GPRIN1: variants seen among roughly 807,000 people sequenced by gnomAD.
GPRIN1 encodes the protein G protein regulated inducer of neurite outgrowth 1.
In GPRIN1, 4 loss-of-function variants were observed where a neutral mutation model predicts 2.8. The observed-to-expected ratio is 1.45, with a 90% CI of 0.71 to 3.32. The LOEUF is 3.32. Ranked by LOEUF, GPRIN1 falls within the 30% of genes most tolerant of loss-of-function variation. GPRIN1 has a pLI of 0.01. For missense variants in GPRIN1, 1,322 were observed against 1,343.4 expected (o/e 0.98, Z 0.25); for synonymous variants, 589 against 589.9 (o/e 1.00, Z 0.02).
At position 176,596,854 on chromosome 5, in the gene GPRIN1, A is replaced by G. The variant is rs770454923; in HGVS notation, c.2981T>C (p.Val994Ala). The G allele has an allele frequency of 9.5e-5, 134 of 1,405,370 alleles. No individual in the cohort carries two copies. The highest frequency in any genetic ancestry group is 1.5e-4 in the Admixed American group (6 of 39,950). 87.1% of individuals were successfully genotyped at this position (1,405,370 alleles called of 1,614,324 possible). The change falls in exon 2 of 2, where the codon GTG becomes GCG. Residue 994 changes from valine to alanine, a missense_variant. Physicochemically the swap from Val to Ala is moderately conservative, Grantham distance 64. Transcript: ENST00000303991. The surrounding 1 kb of genome is among the most constrained non-coding windows in gnomAD (Gnocchi z 5.2). ...CCGCGAGCAGCACCGCGGCCGGCGC[A>G]CACTCTGCAGCAGCGCGCGGAACAG... is the stretch of plus-strand genomic sequence containing the variant. ...PGLFRALLQS[V>A]RRPRCCSRAG...
At chr5:176,605,025 G>A (rs1156568523) in intron 1 of GPRIN1, among the ~76,000 whole-genome samples, 2 of 151,614 alleles carry the variant, frequency 1.3e-5, no homozygotes, top group Non-Finnish European at 2.9e-5. Context: ...GAGCTACCGC[G>A]CCCAGCATGG....
rs1260366588 is a variant in GPRIN1, at chr5:176,599,399, T to C, written c.436A>G (p.Asn146Asp). 26 of 1,614,216 alleles carry C rather than the reference T, an allele frequency of 1.6e-5. No individual in the cohort carries two copies. The highest frequency in any genetic ancestry group is 2.2e-5 in the Non-Finnish European group (26 of 1,180,020). ...TCCATCTTCTCTAAGAACATGGGAT[T>C]TCTGTCATCTGAGGATTTGGGCTCA... ...KTEPKSSDDR[N>D]PMFLEKMDFK... The change falls in exon 2 of 2, where the codon AAT (asparagine) becomes GAT (aspartate). Residue 146 changes from asparagine to aspartate, a missense_variant. Asn to Asp is a conservative substitution (Grantham distance 23). Coordinates refer to ENST00000303991, the MANE Select transcript of GPRIN1 (RefSeq NM_052899.3).
chr5:176,606,936 C>G (rs534256935), intron 1 of GPRIN1, among the ~76,000 whole-genome samples: 2 of 152,310 alleles, frequency 1.3e-5, no homozygotes, highest in African/African-American at 4.8e-5. Context: ...CCGTCCCCAA[C>G]TTGTATTTTC....
Position 176,596,852 on chromosome 5 carries a change from G to A in GPRIN1, c.2983C>T (p.Arg995Cys), listed in dbSNP as rs1417321424. ...GCCCGCGAGCAGCACCGCGGCCGGC[G>A]CACACTCTGCAGCAGCGCGCGGAAC... ...GLFRALLQSVRRPRCCSRAGP... is the reference protein window; with the variant it reads ...GLFRALLQSVCRPRCCSRAGP... The change falls in exon 2 of 2, where the codon CGC becomes TGC. Residue 995 changes from arginine to cysteine, a missense_variant. Arg to Cys is a radical substitution (Grantham distance 180). Coordinates refer to ENST00000303991, the MANE Select transcript of GPRIN1 (RefSeq NM_052899.3). This position sits in a 1 kb window ranked among gnomAD's most constrained non-coding sequence, Gnocchi z 5.2. 54 of 1,403,974 alleles carry A rather than the reference G, an allele frequency of 3.8e-5. No homozygotes were observed. The highest frequency in any genetic ancestry group is 5.0e-5 in the Non-Finnish European group (54 of 1,075,198). The allele number at this position is 1,403,974 out of a possible 1,614,324, so 87.0% of individuals were successfully genotyped here. A position where few individuals can be genotyped will look rare whatever the true frequency, so the allele number is the denominator to read the frequency against.
intron 1 of GPRIN1, among the ~76,000 whole-genome samples, chr5:176,606,249 CTG>C (rs927168169): frequency 4.6e-5 from 7 of 152,154 alleles, no homozygotes; most frequent in Non-Finnish European, 8.8e-5. Context: ...TAGGGCTGGG[CTG>C]TGTCTGTGGA....
chr5:176,598,874 G>A lies in GPRIN1; in HGVS notation c.961C>T (p.Leu321=). 2 of 1,614,022 alleles carry A rather than the reference G, an allele frequency of 1.2e-6. No homozygotes were observed. The highest frequency in any genetic ancestry group is 1.7e-6 in the Non-Finnish European group (2 of 1,180,010). ...TTCTTGCCTGATGAGCCTGGAATCA[G>A]CTTGCCCAGGAGCCCCGGCTCTGTC... ...GKTEPGLLGK[L]IPGSSGKNGP... The change falls in exon 2 of 2, where the codon CTG becomes TTG. Residue 321 remains leucine, a synonymous_variant. Coordinates refer to ENST00000303991, the MANE Select transcript of GPRIN1 (RefSeq NM_052899.3).
intron 1 of GPRIN1, among the ~76,000 whole-genome samples, chr5:176,601,251 C>G (rs1165799456): frequency 6.6e-6 from 1 of 152,172 alleles, no homozygotes; most frequent in Non-Finnish European, 1.5e-5. Flanking sequence ...GGAGGCTGGG[C>G]TGAAGGAGCA....
intron 1 of GPRIN1, among the ~76,000 whole-genome samples, chr5:176,603,919 G>A (rs1283969549): frequency 6.6e-6 from 1 of 152,218 alleles, no homozygotes; most frequent in Non-Finnish European, 1.5e-5. Flanking sequence ...GGAGACAAGA[G>A]GGAGTGGTGG....
Position 176,597,285 on chromosome 5 carries a change from G to C in GPRIN1, c.2550C>G (p.Ser850Arg). ...GGCCCGCATCTCGGCGCGAGGGCGG[G>C]CTGGGCGCGCGCGGCGCCGCCTGGA... The part of the protein sequence containing the change: ...FSFQAAPRAP[S>R]PPSRRDAGLQ... The change falls in exon 2 of 2, where the codon AGC becomes AGG. Residue 850 changes from serine to arginine, a missense_variant. Around this residue, in one of 3 missense-constraint regions of GPRIN1, gnomAD observed 1,117 missense variants for 1,128.6 expected, o/e 0.99. Transcript: ENST00000303991. The surrounding 1 kb of genome is among the most constrained non-coding windows in gnomAD (Gnocchi z 6.1). The C allele has an allele frequency of 8.1e-7, 1 of 1,235,636 alleles. No homozygotes were observed. The highest frequency in any genetic ancestry group is 3.6e-5 in the South Asian group (1 of 27,936). 76.5% of individuals were successfully genotyped at this position (1,235,636 alleles called of 1,614,324 possible). A position where few individuals can be genotyped will look rare whatever the true frequency, so the allele number is the denominator to read the frequency against.
Position 176,602,734 on chromosome 5 carries a change from T to C in GPRIN1, c.-43-2857A>G, listed in dbSNP as rs1159969973. ...GTCCTGGGGTACACAAGGGCATGGC[T>C]AGTGATGAGAACAAGACGGGGAGGC... On this transcript the variant is annotated intron_variant, in intron 1 of 1. Transcript: ENST00000303991. This position sits in a 1 kb window ranked among gnomAD's most constrained non-coding sequence, Gnocchi z 4.4. 6.6e-6 allele frequency among the ~76,000 whole-genome samples: 1 copy of C among 152,074 alleles called. No homozygotes were observed. Among genetic ancestry groups the C allele is most frequent in the African/African-American group, 2.4e-5 (1 of 41,376 alleles).
rs543453041 is a variant in GPRIN1 at position 176,596,418 on chromosome 5, T to A, written c.*390A>T. Reference sequence around the variant, plus strand: ...CAGACTTGTATGCAGTCTCTCCCTGTTCTGGGGATCTGGCCCCACCGGAGA... The same window carrying A: ...CAGACTTGTATGCAGTCTCTCCCTGATCTGGGGATCTGGCCCCACCGGAGA... On this transcript the variant is annotated 3_prime_UTR_variant, in exon 2 of 2. Transcript: ENST00000303991. The surrounding 1 kb of genome is among the most constrained non-coding windows in gnomAD (Gnocchi z 5.2). 358 of 155,432 alleles carry A rather than the reference T, an allele frequency of 2.3e-3. 1 individual carries two copies. Among genetic ancestry groups the A allele is most frequent in the African/African-American group, 8.2e-3 (343 of 41,624 alleles). 9.6% of individuals were successfully genotyped at this position (155,432 alleles called of 1,614,324 possible). A position where few individuals can be genotyped will look rare whatever the true frequency, so the allele number is the denominator to read the frequency against.
At position 176,609,980 on chromosome 5, in the gene GPRIN1, G is replaced by C. The variant is rs1240517828; in HGVS notation, c.-44+19C>G. ...CGCCGCCCGCCCGGAAAGACAGCGG[G>C]TGTGGGCGCGGCGCTTACCAGGCAG... On this transcript the variant is annotated intron_variant, in intron 1 of 1. Transcript: ENST00000303991. 2.6e-5 allele frequency: 4 copies of C among 151,872 alleles called. No individual in the cohort carries two copies. The highest frequency in any genetic ancestry group is 9.7e-5 in the African/African-American group (4 of 41,302). The allele number at this position is 151,872 out of a possible 1,614,324, so 9.4% of individuals were successfully genotyped here.
rs759251296 is a variant in GPRIN1 at position 176,598,416 on chromosome 5, C to G, written c.1419G>C (p.Lys473Asn). 3.1e-6 allele frequency: 5 copies of G among 1,613,984 alleles called. No homozygotes were observed. In the Admixed American group the frequency reaches 6.7e-5, roughly 22 times the overall value. The change falls in exon 2 of 2, where the codon AAG becomes AAC. Residue 473 changes from lysine (K) to asparagine (N), a missense_variant. Lys to Asn is a moderately conservative substitution (Grantham distance 94). Around this residue, in one of 3 missense-constraint regions of GPRIN1, gnomAD observed 1,117 missense variants for 1,128.6 expected, o/e 0.99. Coordinates refer to ENST00000303991, the MANE Select transcript of GPRIN1 (RefSeq NM_052899.3). ...REDPISAGSR[K>N]TSSEKVNPES... ...CAGGATTCACTTTTTCAGATGATGT[C>G]TTTCTACTTCCAGCAGATATGGGGT... is the stretch of plus-strand genomic sequence containing the variant.
intron 1 of GPRIN1, among the ~76,000 whole-genome samples, chr5:176,604,386 A>G (rs911845091): frequency 5.3e-5 from 8 of 152,250 alleles, no homozygotes; most frequent in African/African-American, 1.9e-4. Context: ...AAACCCTGGA[A>G]GTATTTTCTT....
rs1171687215 is a variant in GPRIN1, at chr5:176,597,718, G to A, written c.2117C>T (p.Ser706Phe). ...SAPSRKTESP[S>F]LGKVVPLSLE... The stretch of plus-strand genomic sequence containing the variant: ...ACTCAGGGGGACCACCTTCCCCAAG[G>A]ATGGGGACTCCGTTTTTCTGGAAGG... Residue 706 changes from serine (S) to phenylalanine (F), a missense_variant, in exon 2 of 2, where the codon TCC becomes TTC. By Grantham distance (155) the Ser-to-Phe change is radical (BLOSUM62 -2). This residue lies in a region of GPRIN1 where 1,117 missense variants were observed against 1,128.6 expected (regional missense o/e 0.99). Transcript: ENST00000303991. The surrounding 1 kb of genome is among the most constrained non-coding windows in gnomAD (Gnocchi z 6.1). 5.0e-6 allele frequency: 8 copies of A among 1,597,760 alleles called. No individual in the cohort carries two copies. Among genetic ancestry groups the A allele is most frequent in the South Asian group, 1.1e-5 (1 of 89,572 alleles).
chr5:176,597,135 A>G lies in GPRIN1; in HGVS notation c.2700T>C (p.Ala900=), dbSNP rs754529127. Residue 900 remains alanine, a synonymous_variant, in exon 2 of 2, where the codon GCT becomes GCC. Coordinates refer to ENST00000303991, the MANE Select transcript of GPRIN1 (RefSeq NM_052899.3). This position sits in a 1 kb window ranked among gnomAD's most constrained non-coding sequence, Gnocchi z 6.1. ...RVRPGSALAA[A]VAPPEPAEPV... is the part of the protein sequence containing the mutation. The stretch of plus-strand genomic sequence containing the variant: ...GCTCAGCCGGCTCCGGGGGCGCTAC[A>G]GCGGCCGCCAGCGCTGAGCCGGGCC... The G allele has an allele frequency of 6.9e-7, 1 of 1,455,052 alleles. No homozygotes were observed. Among genetic ancestry groups the G allele is most frequent in the Admixed American group, 2.1e-5 (1 of 46,560 alleles). 90.1% of individuals were successfully genotyped at this position (1,455,052 alleles called of 1,614,324 possible).
chr5:176,599,157 A>G lies in GPRIN1; in HGVS notation c.678T>C (p.Tyr226=). ...KVDPLCSSKT[Y]TVSPRKEDPG... is the part of the protein sequence containing the mutation. ...GATCCTCCTTCCTCGGTGACACTGTATACGTCTTGCTGGAGCACAAAGGAT... is the reference window on the plus strand; with the variant it reads ...GATCCTCCTTCCTCGGTGACACTGTGTACGTCTTGCTGGAGCACAAAGGAT... The change falls in exon 2 of 2, where the codon TAT becomes TAC. Residue 226 remains tyrosine, a synonymous_variant. Transcript: ENST00000303991. 1.2e-6 allele frequency: 2 copies of G among 1,613,788 alleles called. No individual in the cohort carries two copies. The highest frequency in any genetic ancestry group is 1.7e-6 in the Non-Finnish European group (2 of 1,179,850).
intron 1 of GPRIN1, among the ~76,000 whole-genome samples, chr5:176,606,857 A>C (rs779453392): frequency 1.3e-5 from 2 of 152,236 alleles, no homozygotes; most frequent in Non-Finnish European, 2.9e-5. Context: ...TTCCAGAGGA[A>C]GAAACAGGTT....
chr5:176,599,473 G>T lies in GPRIN1; in HGVS notation c.362C>A (p.Pro121Gln), dbSNP rs1561887234. The T allele has an allele frequency of 6.2e-7, 1 of 1,613,842 alleles. No individual in the cohort carries two copies. Among genetic ancestry groups the T allele is most frequent in the Non-Finnish European group, 8.5e-7 (1 of 1,179,836 alleles). The change falls in exon 2 of 2, where the codon CCA becomes CAA. Residue 121 changes from proline to glutamine, a missense_variant. This residue lies in a region of GPRIN1 where 1,117 missense variants were observed against 1,128.6 expected (regional missense o/e 0.99). Coordinates refer to ENST00000303991, the MANE Select transcript of GPRIN1 (RefSeq NM_052899.3). ...EAHGASISGT[P>Q]EATTSGKPEP... ...TGGCTTCCCAGACGTGGTGGCTTCTGGTGTCCCTGAGATGGAGGCTCCATG... is the reference window on the plus strand; with the variant it reads ...TGGCTTCCCAGACGTGGTGGCTTCTTGTGTCCCTGAGATGGAGGCTCCATG...
Sources: gnomAD v4.1 joint callset for allele counts (sites outside exome capture counted in the v4.1 genomes callset) on GRCh38, gnomAD v4.1.1 for gene constraint, gnomAD v4.1.1 regional missense constraint, Gnocchi (gnomAD v3.1) non-coding constraint, MANE v1.5 for transcripts, NCBI Gene and HGNC (gene_info 2026-07-23, HGNC 2026-07-21) for gene names.